The following WWP2 variants were observed in gnomAD, a reference collection of about 807,000 sequenced individuals.
WWP2 encodes NEDD4-like E3 ubiquitin-protein ligase WWP2.
A neutral mutation model predicts 121.0 loss-of-function variants in WWP2; 57 were observed. The observed-to-expected ratio is 0.47, with a 90% confidence interval of 0.38 to 0.59. The LOEUF is 0.59. Ranked by LOEUF, WWP2 falls within the 20% of genes least tolerant of loss-of-function variation. The pLI, the probability that WWP2 is intolerant of heterozygous loss-of-function variation, is 0.00. For synonymous variants in WWP2, 449 were observed against 441.3 expected (o/e 1.02, Z -0.22); for missense variants, 962 against 1,158.9 (o/e 0.83, Z 2.47).
At chr16:69,795,661 T>TTTC (rs1567670029) in intron 2 of WWP2, among the ~76,000 whole-genome samples, 1 of 134,932 alleles carries the variant, frequency 7.4e-6, no homozygotes, top group East Asian at 2.1e-4. Flanking sequence ...TTTTTTTTTT[T>TTTC]TTTTTTTTTT....
Position 69,940,036 on chromosome 16 carries a change from G to A in WWP2, c.*96G>A, listed in dbSNP as rs919578035. On this transcript the variant is annotated 3_prime_UTR_variant, in exon 24 of 24. Transcript: ENST00000359154. Reference sequence around the variant, plus strand: ...GCCCCGCAGCCCTTGGGAGGCCCCCGTGGATGTGGCCCTGTGTGGGACCAC... The same window carrying A: ...GCCCCGCAGCCCTTGGGAGGCCCCCATGGATGTGGCCCTGTGTGGGACCAC... The A allele has an allele frequency of 5.9e-6, 6 of 1,010,278 alleles. No homozygotes were observed. Among genetic ancestry groups the A allele is most frequent in the Non-Finnish European group, 5.8e-6 (4 of 683,852 alleles). The allele number at this position is 1,010,278 out of a possible 1,614,324, so 62.6% of individuals were successfully genotyped here. A position where few individuals can be genotyped will look rare whatever the true frequency, so the allele number is the denominator to read the frequency against.
At chr16:69,915,464 C>G (rs1389499325) in intron 9 of WWP2, among the ~76,000 whole-genome samples, 1 of 152,146 alleles carries the variant, frequency 6.6e-6, no homozygotes, top group East Asian at 1.9e-4. Context: ...TGAGACTACT[C>G]AGCTACTCAG....
chr16:69,912,760 C>T (rs1484660307), intron 9 of WWP2, among the ~76,000 whole-genome samples: 1 of 149,810 alleles, frequency 6.7e-6, no homozygotes, highest in Admixed American at 6.7e-5. Context: ...TGCGAATGAA[C>T]ACAGCTGGGC....
intron 16 of WWP2, chr16:69,933,003 G>A: frequency 2.1e-6 from 1 of 473,660 alleles, no homozygotes; most frequent in Admixed American, 2.3e-5. Flanking sequence ...TGGCCCCGTG[G>A]ATGGATGTTC....
chr16:69,925,631 A>T lies in WWP2; in HGVS notation c.1234+147A>T. On this transcript the variant is annotated intron_variant, in intron 11 of 23. Coordinates refer to ENST00000359154, the MANE Select transcript of WWP2 (RefSeq NM_001270454.2). This position sits in a 1 kb window ranked among gnomAD's most constrained non-coding sequence, Gnocchi z 4.0. The stretch of plus-strand genomic sequence containing the variant: ...GCACACTCTCTGGGCATGCCCCACC[A>T]GAGCAATTACAGGTGATGGAGCTGG... 8.8e-7 allele frequency: 1 copy of T among 1,140,650 alleles called. No individual in the cohort carries two copies. Among genetic ancestry groups the T allele is most frequent in the Non-Finnish European group, 1.2e-6 (1 of 826,356 alleles). The allele number at this position is 1,140,650 out of a possible 1,614,324, so 70.7% of individuals were successfully genotyped here. A position where few individuals can be genotyped will look rare whatever the true frequency, so the allele number is the denominator to read the frequency against.
At chr16:69,883,404 A>ACACACG (rs1206338359) in intron 7 of WWP2, among the ~76,000 whole-genome samples, 1 of 121,390 alleles carries the variant, frequency 8.2e-6, no homozygotes, top group East Asian at 1.9e-4. Context: ...ATGTGCGCAC[A>ACACACG]CACACACACA....
At chr16:69,891,675 C>T (rs2058031117) in intron 8 of WWP2, among the ~76,000 whole-genome samples, 2 of 152,174 alleles carry the variant, frequency 1.3e-5, no homozygotes, top group African/African-American at 4.8e-5. Flanking sequence ...TCAGCCATTC[C>T]CTTGGCTGCC....
intron 8 of WWP2, among the ~76,000 whole-genome samples, chr16:69,898,259 C>T (rs1188582711): frequency 6.6e-6 from 1 of 152,068 alleles, no homozygotes; most frequent in Non-Finnish European, 1.5e-5. Context: ...AATTCCCAAC[C>T]TCAGGTGATC....
chr16:69,873,102 T>C (rs148580731), intron 7 of WWP2, among the ~76,000 whole-genome samples: 1 of 152,216 alleles, frequency 6.6e-6, no homozygotes, highest in African/African-American at 2.4e-5. Flanking sequence ...AGTTTTCTAG[T>C]GCTCGTGACA....
chr16:69,934,349 G>T (rs2058764104), intron 17 of WWP2, among the ~76,000 whole-genome samples: 1 of 152,074 alleles, frequency 6.6e-6, no homozygotes, highest in Non-Finnish European at 1.5e-5. Flanking sequence ...TCCACCCTTT[G>T]CCCCCATAGA....
intron 6 of WWP2, among the ~76,000 whole-genome samples, chr16:69,870,158 T>G (rs1482282975): frequency 6.6e-6 from 1 of 152,212 alleles, no homozygotes; most frequent in Admixed American, 6.5e-5. Flanking sequence ...ATAATAATAT[T>G]AATCTACCTT....
chr16:69,781,314 A>G (rs1275765442), intron 1 of WWP2, among the ~76,000 whole-genome samples: 1 of 152,046 alleles, frequency 6.6e-6, no homozygotes, highest in Non-Finnish European at 1.5e-5. Context: ...TAGGACGTCA[A>G]AGTTCATTTG....
intron 4 of WWP2, among the ~76,000 whole-genome samples, chr16:69,802,248 TA>T (rs1162492636): frequency 3.3e-5 from 5 of 152,192 alleles, no homozygotes; most frequent in African/African-American, 1.2e-4. Flanking sequence ...TTAGTTGTGA[TA>T]AAATACACAT....
chr16:69,895,407 A>G (rs1040568142), intron 8 of WWP2, among the ~76,000 whole-genome samples: 3 of 152,212 alleles, frequency 2.0e-5, no homozygotes, highest in Admixed American at 6.5e-5. Context: ...CTTTAATTCT[A>G]TACTCTGTTC....
chr16:69,812,735 C>T (rs1318558751), intron 4 of WWP2, among the ~76,000 whole-genome samples: 3 of 152,000 alleles, frequency 2.0e-5, no homozygotes, highest in Admixed American at 6.6e-5. Context: ...GCAGGAACAC[C>T]CAGGAGTGAC....
chr16:69,826,938 CAAAA>C (rs542288952), intron 4 of WWP2, among the ~76,000 whole-genome samples: 3 of 85,208 alleles, frequency 3.5e-5, no homozygotes, highest in Non-Finnish European at 6.3e-5. Flanking sequence ...GACTCCACCT[CAAAA>C]AAAAAAAAAA....
chr16:69,900,818 C>T (rs974711396), intron 8 of WWP2, among the ~76,000 whole-genome samples: 13 of 152,182 alleles, frequency 8.5e-5, no homozygotes, highest in African/African-American at 2.7e-4. Flanking sequence ...GTCACCGTGC[C>T]TGGCTAGTGT....
chr16:69,908,793 T>C lies in WWP2; in HGVS notation c.947T>C (p.Val316Ala). 1 of 1,614,200 alleles carries C rather than the reference T, an allele frequency of 6.2e-7. No homozygotes were observed. Among genetic ancestry groups the C allele is most frequent in the Non-Finnish European group, 8.5e-7 (1 of 1,180,018 alleles). ...WEQRELPNGRVYYVDHNTKTT... is the reference protein window; with the variant it reads ...WEQRELPNGRAYYVDHNTKTT... ...CAGCGAGAGCTGCCCAACGGACGTG[T>C]CTATTATGTTGACCACAATACCAAG... The change falls in exon 9 of 24, where the codon GTC becomes GCC. Residue 316 changes from valine (V) to alanine (A), a missense_variant. Val to Ala is a moderately conservative substitution (Grantham distance 64). Around this residue, in one of 3 missense-constraint regions of WWP2, gnomAD observed 606 missense variants for 772.6 expected, o/e 0.78. Coordinates refer to ENST00000359154, the MANE Select transcript of WWP2 (RefSeq NM_001270454.2).
rs145994348 is a variant in WWP2, at chr16:69,836,526, T to C, written c.341-3600T>C. Among the ~76,000 whole-genome samples, 463 of 152,274 alleles carry C rather than the reference T, an allele frequency of 3.0e-3. 3 individuals carry two copies. The highest frequency in any genetic ancestry group is 0.01 in the African/African-American group (436 of 41,550). On this transcript the variant is annotated intron_variant, in intron 4 of 23. Transcript: ENST00000359154. ...CATGGTGACAGCCAGAGGTCTCAAA[T>C]AGAACAGAGGAGGGTTATGTTCTCA...
Sources: gnomAD v4.1 joint callset for allele counts (sites outside exome capture counted in the v4.1 genomes callset) on GRCh38, gnomAD v4.1.1 for gene constraint, gnomAD v4.1.1 regional missense constraint, Gnocchi (gnomAD v3.1) non-coding constraint, MANE v1.5 for transcripts, NCBI Gene and HGNC (gene_info 2026-07-23, HGNC 2026-07-21) for gene names.